BIRC6: variants seen among roughly 807,000 people sequenced by gnomAD.
BIRC6 encodes dual E2 ubiquitin-conjugating enzyme/E3 ubiquitin-protein ligase BIRC6.
BIRC6 carries 98 observed loss-of-function variants against 503.3 expected under a neutral mutation model. The ratio of observed to expected loss-of-function variants is 0.19; its 90% CI spans 0.17 to 0.23. The LOEUF (loss-of-function observed/expected upper bound fraction) is 0.23. BIRC6 is among the 10% of genes least tolerant of loss of function. The pLI, the probability that BIRC6 is intolerant of heterozygous loss-of-function variation, is 1.00. For synonymous variants in BIRC6, 2,240 were observed against 2,078.7 expected, an observed-to-expected ratio of 1.08 and a Z score of -2.11; for missense variants, 5,360 against 5,806.0, an observed-to-expected ratio of 0.92 and a Z score of 2.50.
intron 50 of BIRC6, among the ~76,000 whole-genome samples, chr2:32,505,691 A>G (rs2053717638): frequency 6.6e-6 from 1 of 152,200 alleles, no homozygotes; most frequent in African/African-American, 2.4e-5. Flanking sequence ...GTTTATTGTA[A>G]TATGTCAGTA....
chr2:32,362,067 G>A (rs1027821060), intron 1 of BIRC6, among the ~76,000 whole-genome samples: 11 of 152,134 alleles, frequency 7.2e-5, no homozygotes, highest in African/African-American at 2.7e-4. Context: ...TCAATTGCTG[G>A]GTTGCATGTG....
chr2:32,458,579 A>C (rs2047492234), intron 23 of BIRC6, among the ~76,000 whole-genome samples: 1 of 150,950 alleles, frequency 6.6e-6, no homozygotes, highest in Non-Finnish European at 1.5e-5. Context: ...CTCTGCTCCC[A>C]CTTTACTGCA....
At chr2:32,533,517 G>A (rs904280287) in intron 61 of BIRC6, among the ~76,000 whole-genome samples, 3 of 152,186 alleles carry the variant, frequency 2.0e-5, no homozygotes, top group African/African-American at 7.2e-5. Context: ...CTAAAATTTA[G>A]ATATTTGCTA....
intron 54 of BIRC6, among the ~76,000 whole-genome samples, chr2:32,514,625 C>A (rs1201091170): frequency 6.6e-6 from 1 of 152,136 alleles, no homozygotes; most frequent in African/African-American, 2.4e-5. Context: ...GAATTTAAGC[C>A]ATTTGTCATG....
At chr2:32,533,936 A>G (rs2056985490) in intron 61 of BIRC6, among the ~76,000 whole-genome samples, 1 of 152,204 alleles carries the variant, frequency 6.6e-6, no homozygotes, top group Admixed American at 6.5e-5. Context: ...GAAAACTAAT[A>G]CAGAGTTTGG....
chr2:32,566,948 G>A (rs2059575254), intron 65 of BIRC6, among the ~76,000 whole-genome samples: 1 of 152,126 alleles, frequency 6.6e-6, no homozygotes. Flanking sequence ...TTCTGAGAAT[G>A]AAGACATTAC....
At chr2:32,574,249 G>A (rs553104236) in intron 65 of BIRC6, among the ~76,000 whole-genome samples, 3 of 150,580 alleles carry the variant, frequency 2.0e-5, no homozygotes, top group South Asian at 4.2e-4. Flanking sequence ...CAGTTGCAGG[G>A]ACTACAGGTG....
intron 44 of BIRC6, 31 bp from the exon 45 acceptor site, chr2:32,493,509 C>T (rs1247989304): frequency 6.4e-7 from 1 of 1,551,848 alleles, no homozygotes; most frequent in Admixed American, 1.8e-5. Context: ...TACCAGTAAG[C>T]AGTTTTCAGT....
At chr2:32,583,154 C>G (rs1354866565) in intron 66 of BIRC6, among the ~76,000 whole-genome samples, 1 of 152,188 alleles carries the variant, frequency 6.6e-6, no homozygotes, top group African/African-American at 2.4e-5. Context: ...TCTTTTCTGA[C>G]TTACCTGTTA....
chr2:32,470,401 C>A, intron 31 of BIRC6, 100 bp downstream of exon 31: 1 of 1,167,208 alleles, frequency 8.6e-7, no homozygotes, highest in South Asian at 1.6e-5. Context: ...TTATTTGCAG[C>A]ACATTTAATA....
chr2:32,415,044 A>T lies in BIRC6; in HGVS notation c.1753A>T (p.Ser585Cys). The stretch of plus-strand genomic sequence containing the variant: ...ATCTCCTGCTACCTCACCCATTAGT[A>T]GTAATTCTCACAGGTCACTGGATGG... ...YKSPATSPIS[S>C]NSHRSLDGLS... is the part of the protein sequence containing the mutation. The change falls in exon 10 of 74, where the codon AGT (serine) becomes TGT (cysteine). Residue 585 changes from serine (S) to cysteine (C), a missense_variant. Ser to Cys is a moderately radical substitution (Grantham distance 112). Around this residue, in one of 16 missense-constraint regions of BIRC6, gnomAD observed 700 missense variants for 739.3 expected, o/e 0.95. Coordinates refer to ENST00000421745, the MANE Select transcript of BIRC6 (RefSeq NM_016252.4). The T allele has an allele frequency of 6.2e-7, 1 of 1,613,966 alleles. No individual in the cohort carries two copies.
Position 32,463,340 on chromosome 2 carries a change from C to T in BIRC6, c.4900C>T (p.Leu1634=). 6.2e-7 allele frequency: 1 copy of T among 1,613,170 alleles called. No individual in the cohort carries two copies. The highest frequency in any genetic ancestry group is 8.5e-7 in the Non-Finnish European group (1 of 1,179,574). ...TTCAGCCGAGCAACAGCTACAGGTG[C>T]TGCAAGAGAAACAGCAGCAGCTTTT... is the stretch of plus-strand genomic sequence containing the variant. The part of the protein sequence containing the change: ...MASAEQQLQV[L]QEKQQQLLKL... Residue 1634 remains leucine (L), a synonymous_variant, in exon 24 of 74, where the codon CTG becomes TTG. Coordinates refer to ENST00000421745, the MANE Select transcript of BIRC6 (RefSeq NM_016252.4).
intron 1 of BIRC6, among the ~76,000 whole-genome samples, chr2:32,360,584 C>T (rs1262177109): frequency 1.3e-5 from 2 of 152,162 alleles, no homozygotes; most frequent in African/African-American, 2.4e-5. Context: ...CCAATTCGCT[C>T]CAGTCATTTA....
intron 16 of BIRC6, 110 bp downstream of exon 16, chr2:32,439,796 T>G: frequency 1.1e-6 from 1 of 931,354 alleles, no homozygotes; most frequent in Non-Finnish European, 1.5e-6. Context: ...TACTATACGC[T>G]TGGTTTGTTT....
rs554352896 is a variant in BIRC6, at chr2:32,368,469, G to A, written c.326-9119G>A. Among the ~76,000 whole-genome samples the A allele has an allele frequency of 4.6e-5, 7 of 152,122 alleles. No individual in the cohort carries two copies. The South Asian group carries it at 1.2e-3, about 27-fold the overall frequency. ...GCAGAAGAATCGCTTGAACCCAGGC[G>A]GCAGAGGTTGCAGTGAGCTGAAATC... On this transcript the variant is annotated intron_variant, in intron 1 of 73. Transcript: ENST00000421745.
chr2:32,464,962 A>C, intron 25 of BIRC6, 103 bp from the exon 26 acceptor site: 2 of 1,326,382 alleles, frequency 1.5e-6, no homozygotes, highest in Non-Finnish European at 2.1e-6. Context: ...CAGTACATAC[A>C]TTAAGAGAAG....
intron 22 of BIRC6, among the ~76,000 whole-genome samples, chr2:32,449,855 G>A (rs891907379): frequency 5.3e-5 from 8 of 152,156 alleles, no homozygotes; most frequent in Non-Finnish European, 8.8e-5. Context: ...TACACATACT[G>A]GTCTGTCACT....
At chr2:32,524,292 CAT>C (rs1306941560) in intron 57 of BIRC6, among the ~76,000 whole-genome samples, 1 of 152,092 alleles carries the variant, frequency 6.6e-6, no homozygotes, top group Non-Finnish European at 1.5e-5. Flanking sequence ...AATTTTAAAA[CAT>C]ATTACTTTGT....
At chr2:32,458,708 T>TC (rs1276559812) in intron 23 of BIRC6, among the ~76,000 whole-genome samples, 4 of 142,916 alleles carry the variant, frequency 2.8e-5, no homozygotes, top group African/African-American at 7.8e-5. Context: ...TTTTTTTTTT[T>TC]CTGATACAGA....
Sources: gnomAD v4.1 joint callset for allele counts (sites outside exome capture counted in the v4.1 genomes callset) on GRCh38, gnomAD v4.1.1 for gene constraint, gnomAD v4.1.1 regional missense constraint, MANE v1.5 for transcripts, NCBI Gene and HGNC (gene_info 2026-07-23, HGNC 2026-07-21) for gene names.